Variants in NXPH1 observed in about 807,000 individuals in gnomAD.
NXPH1 encodes neurexophilin-1.
A neutral mutation model predicts 23.7 loss-of-function variants in NXPH1; 5 were observed. That is an observed-to-expected ratio of 0.21 (90% CI 0.11 to 0.44). The LOEUF (loss-of-function observed/expected upper bound fraction) is 0.44. Among genes scored for constraint, NXPH1 ranks in the 20% least tolerant of loss-of-function variants. The probability of loss-of-function intolerance (pLI) is 0.99; values close to 1 mark genes in which losing one functional copy is unlikely to be tolerated. For synonymous variants in NXPH1, 144 were observed against 122.2 expected (o/e 1.18, Z -1.18); for missense variants, 324 against 321.6 (o/e 1.01, Z -0.06).
chr7:8,437,257 T>C (rs1475782025), intron 2 of NXPH1, among the ~76,000 whole-genome samples: 2 of 152,098 alleles, frequency 1.3e-5, no homozygotes, highest in African/African-American at 4.8e-5. Flanking sequence ...CCATCTTCAA[T>C]CATTTTCACC....
chr7:8,437,304 A>G (rs921391359), intron 2 of NXPH1, among the ~76,000 whole-genome samples: 1 of 150,288 alleles, frequency 6.7e-6, no homozygotes, highest in Non-Finnish European at 1.5e-5. Context: ...ACATTGAGAG[A>G]CCATGGATGG....
chr7:8,529,732 C>A (rs983817843), intron 2 of NXPH1, among the ~76,000 whole-genome samples: 1 of 152,080 alleles, frequency 6.6e-6, no homozygotes, highest in South Asian at 2.1e-4. Flanking sequence ...TGAGCTAGGG[C>A]ATAGTCTGGC....
intron 2 of NXPH1, among the ~76,000 whole-genome samples, chr7:8,617,415 C>T (rs774497302): frequency 6.6e-6 from 1 of 151,894 alleles, no homozygotes; most frequent in Non-Finnish European, 1.5e-5. Context: ...AAGTGTCCAT[C>T]AACAGATGAA....
chr7:8,470,236 C>T lies in NXPH1; in HGVS notation c.54+34469C>T, dbSNP rs139850012. Among the ~76,000 whole-genome samples the T allele has an allele frequency of 2.2e-4, 33 of 152,024 alleles. 1 individual carries two copies. In the East Asian group the frequency reaches 6.0e-3, roughly 28 times the overall value. On this transcript the variant is annotated intron_variant, in intron 2 of 2. Coordinates refer to ENST00000405863, the MANE Select transcript of NXPH1 (RefSeq NM_152745.3). ...TACTTTTATCGCTGGATAGATTATGCAGAGATCTACATTGACTATTAAGTT... is the reference window on the plus strand; with the variant it reads ...TACTTTTATCGCTGGATAGATTATGTAGAGATCTACATTGACTATTAAGTT...
intron 2 of NXPH1, among the ~76,000 whole-genome samples, chr7:8,475,729 C>G (rs943484937): frequency 6.6e-6 from 1 of 152,058 alleles, no homozygotes; most frequent in African/African-American, 2.4e-5. Context: ...CCTTTTACCT[C>G]TTCACCTCTT....
chr7:8,613,184 C>T (rs1414066386), intron 2 of NXPH1, among the ~76,000 whole-genome samples: 2 of 151,820 alleles, frequency 1.3e-5, no homozygotes, highest in African/African-American at 4.8e-5. Context: ...ATCTCCATTA[C>T]TTTCACATAG....
At chr7:8,571,371 C>T (rs1013871228) in intron 2 of NXPH1, among the ~76,000 whole-genome samples, 3 of 151,540 alleles carry the variant, frequency 2.0e-5, no homozygotes, top group Non-Finnish European at 3.0e-5. Flanking sequence ...TCTGTGATTA[C>T]TTATTAGGGT....
chr7:8,476,014 G>C (rs1816964551), intron 2 of NXPH1, among the ~76,000 whole-genome samples: 1 of 152,130 alleles, frequency 6.6e-6, no homozygotes, highest in Non-Finnish European at 1.5e-5. Context: ...TGGAGGTAGG[G>C]TGAATCTGAA....
At position 8,752,038 on chromosome 7, in the gene NXPH1, C is replaced by CA. The variant is rs1780574413; in HGVS notation, c.*270dup. ...ATATAGAGGTACACAAACACACCGTCATGCACATTTCAGCTTGCGTCTATC... is the reference window on the plus strand; with the variant it reads ...ATATAGAGGTACACAAACACACCGTCAATGCACATTTCAGCTTGCGTCTATC... On this transcript the variant is annotated 3_prime_UTR_variant, in exon 3 of 3. Transcript: ENST00000405863. 2.8e-6 allele frequency: 1 copy of CA among 358,254 alleles called. No homozygotes were observed. Among genetic ancestry groups the CA allele is most frequent in the Non-Finnish European group, 5.1e-6 (1 of 194,792 alleles). 22.2% of individuals were successfully genotyped at this position (358,254 alleles called of 1,614,324 possible). A position where few individuals can be genotyped will look rare whatever the true frequency, so the allele number is the denominator to read the frequency against.
chr7:8,670,053 A>T (rs746051213), intron 2 of NXPH1, among the ~76,000 whole-genome samples: 2 of 152,226 alleles, frequency 1.3e-5, no homozygotes, highest in Non-Finnish European at 2.9e-5. Flanking sequence ...ATAAACAAGT[A>T]TTGGAATTGC....
At chr7:8,531,585 A>AT (rs1817950456) in intron 2 of NXPH1, among the ~76,000 whole-genome samples, 2 of 151,914 alleles carry the variant, frequency 1.3e-5, no homozygotes, top group South Asian at 4.2e-4. Context: ...CCTGATGAGC[A>AT]TTTTTTTGCT....
chr7:8,435,670 A>G lies in NXPH1; in HGVS notation c.-44A>G, dbSNP rs1816181064. ...TGGATCTATGTTTCTGAAGGAACAA[A>G]GACTCAAAGAAGGCACCGCCAAGGA... On this transcript the variant is annotated 5_prime_UTR_variant, in exon 2 of 3. Coordinates refer to ENST00000405863, the MANE Select transcript of NXPH1 (RefSeq NM_152745.3). The surrounding 1 kb of genome is among the most constrained non-coding windows in gnomAD (Gnocchi z 5.9). 1 of 1,587,432 alleles carries G rather than the reference A, an allele frequency of 6.3e-7. No individual in the cohort carries two copies. Among genetic ancestry groups the G allele is most frequent in the Non-Finnish European group, 8.7e-7 (1 of 1,155,694 alleles).
intron 2 of NXPH1, among the ~76,000 whole-genome samples, chr7:8,491,066 T>A (rs936955431): frequency 1.3e-5 from 2 of 152,056 alleles, no homozygotes; most frequent in African/African-American, 4.8e-5. Context: ...CATTTTTTTT[T>A]GCCTAATGTT....
intron 2 of NXPH1, among the ~76,000 whole-genome samples, chr7:8,600,349 T>C (rs554846961): frequency 2.0e-5 from 3 of 152,316 alleles, no homozygotes; most frequent in African/African-American, 7.2e-5. Flanking sequence ...TTCCTACTTA[T>C]GCTTTTGCCC....
chr7:8,624,616 C>T (rs530495826), intron 2 of NXPH1, among the ~76,000 whole-genome samples: 97 of 152,146 alleles, frequency 6.4e-4, no homozygotes, highest in Non-Finnish European at 1.2e-3. Context: ...CCATGGTGAA[C>T]ACACCATGCA....
chr7:8,478,955 G>A (rs1253788961), intron 2 of NXPH1, among the ~76,000 whole-genome samples: 2 of 152,006 alleles, frequency 1.3e-5, no homozygotes, highest in Non-Finnish European at 2.9e-5. Context: ...CCCAAATAAT[G>A]TTGTTCCCTT....
chr7:8,488,686 C>T (rs960053379), intron 2 of NXPH1, among the ~76,000 whole-genome samples: 12 of 152,238 alleles, frequency 7.9e-5, no homozygotes, highest in Admixed American at 7.2e-4. Context: ...TGACCTAGAT[C>T]AATCACCTAT....
At chr7:8,693,325 G>A (rs939006689) in intron 2 of NXPH1, among the ~76,000 whole-genome samples, 7 of 152,178 alleles carry the variant, frequency 4.6e-5, no homozygotes, top group South Asian at 2.1e-4. Flanking sequence ...CTGTGCGTAA[G>A]AGAGGGATGC....
chr7:8,448,239 A>G (rs772632874), intron 2 of NXPH1, among the ~76,000 whole-genome samples: 14 of 152,248 alleles, frequency 9.2e-5, no homozygotes, highest in Non-Finnish European at 1.8e-4. Flanking sequence ...CACAGAGTTA[A>G]TGTATTCTAA....
Sources: allele counts gnomAD v4.1 joint callset (sites outside exome capture counted in the v4.1 genomes callset), GRCh38; gene constraint gnomAD v4.1.1; non-coding constraint Gnocchi (gnomAD v3.1); transcripts MANE v1.5; gene names NCBI Gene and HGNC (gene_info 2026-07-23, HGNC 2026-07-21).